Variants in MINDY4B observed in about 807,000 individuals in gnomAD.
The protein encoded by MINDY4B is MINDY family member 4B, also known as inactive ubiquitin carboxyl-terminal hydrolase MINDY-4B.
A neutral mutation model predicts 16.7 loss-of-function variants in MINDY4B; 25 were observed. The ratio of observed to expected loss-of-function variants is 1.49; its 90% CI spans 1.09 to 2.09. The LOEUF is 2.09. Ranked by LOEUF, MINDY4B falls within the 30% of genes most tolerant of loss-of-function variation. The probability of loss-of-function intolerance (pLI) is 0.00; values close to 1 mark genes in which losing one functional copy is unlikely to be tolerated. For missense variants in MINDY4B, 327 were observed against 168.4 expected, an observed-to-expected ratio of 1.94 and a Z score of -5.21; for synonymous variants, 132 against 61.9, an observed-to-expected ratio of 2.13 and a Z score of -5.32.
At position 150,891,015 on chromosome 3, in the gene MINDY4B, C is replaced by T. The variant is rs543798722; in HGVS notation, c.610G>A (p.Ala204Thr). ...ILWAAGAAQK[A>T]TICLVTEDIY... ...TCCTCAGTGACAAGACAGATGGTGG[C>T]CTTCTGAGCTGCTCCTGCAGCCCAC... The change falls in exon 6 of 12, where the codon GCC becomes ACC. Residue 204 changes from alanine to threonine, a missense_variant. Coordinates refer to ENST00000465419, the MANE Select transcript of MINDY4B (RefSeq NM_001351281.2). 7.1e-6 allele frequency: 5 copies of T among 702,856 alleles called. No individual in the cohort carries two copies. Among genetic ancestry groups the T allele is most frequent in the South Asian group, 5.9e-5 (4 of 67,600 alleles). 43.5% of individuals were successfully genotyped at this position (702,856 alleles called of 1,614,324 possible).
chr3:150,903,509 G>C (rs1712165720), intron 2 of MINDY4B, 93 bp from the exon 3 acceptor site: 1 of 397,284 alleles, frequency 2.5e-6, no homozygotes, highest in Admixed American at 4.4e-5. Context: ...AAATACCAGT[G>C]TTCAGAAAAT....
At chr3:150,887,694 A>G (rs1711662087) in intron 7 of MINDY4B, among the ~76,000 whole-genome samples, 1 of 152,262 alleles carries the variant, frequency 6.6e-6, no homozygotes, top group South Asian at 2.1e-4. Flanking sequence ...CAGATCTCAT[A>G]TGACAGGTGT....
chr3:150,892,238 C>G (rs192938006), intron 5 of MINDY4B, among the ~76,000 whole-genome samples: 23 of 152,350 alleles, frequency 1.5e-4, no homozygotes, highest in Non-Finnish European at 2.4e-4. Context: ...GGGGCAGGCT[C>G]CGCAGTGCAA....
chr3:150,884,213 G>A (rs1437974719), intron 8 of MINDY4B, among the ~76,000 whole-genome samples: 3 of 152,226 alleles, frequency 2.0e-5, no homozygotes, highest in African/African-American at 7.2e-5. Context: ...CTTGGCTGCA[G>A]AAGGGCAGCT....
intron 10 of MINDY4B, among the ~76,000 whole-genome samples, chr3:150,881,736 C>T (rs1711524653): frequency 6.6e-6 from 1 of 151,886 alleles, no homozygotes; most frequent in African/African-American, 2.4e-5. Flanking sequence ...TTTACCTTGT[C>T]TATCACTTCA....
chr3:150,874,670 T>C (rs1180612035), intron 10 of MINDY4B, among the ~76,000 whole-genome samples: 1 of 152,230 alleles, frequency 6.6e-6, no homozygotes, highest in Non-Finnish European at 1.5e-5. Flanking sequence ...TCTTTTCTTC[T>C]CAGTCCTCAG....
chr3:150,891,935 C>T (rs767241250), intron 5 of MINDY4B, among the ~76,000 whole-genome samples: 1 of 152,140 alleles, frequency 6.6e-6, no homozygotes. Context: ...TACTTGTTCA[C>T]ATTTATTTAA....
intron 10 of MINDY4B, among the ~76,000 whole-genome samples, chr3:150,876,743 G>A (rs1026544650): frequency 1.3e-5 from 2 of 152,146 alleles, no homozygotes; most frequent in Non-Finnish European, 2.9e-5. Context: ...GCTGCCGTAG[G>A]AGTAATTCTG....
chr3:150,872,116 AC>A, intron 11 of MINDY4B, among the ~76,000 whole-genome samples: 1 of 152,368 alleles, frequency 6.6e-6, no homozygotes, highest in South Asian at 2.1e-4. Context: ...TGGGAATGTT[AC>A]GGGTTAATGC....
intron 1 of MINDY4B, 57 bp downstream of exon 1, chr3:150,905,270 C>T (rs1712213786): frequency 2.5e-6 from 1 of 398,172 alleles, no homozygotes. Flanking sequence ...AAGTTGATTA[C>T]TTAAACACGG....
intron 8 of MINDY4B, among the ~76,000 whole-genome samples, chr3:150,884,706 C>A (rs13075343): frequency 0.054 from 8,290 of 152,248 alleles, 273 homozygotes; most frequent in African/African-American, 0.082. Flanking sequence ...TAATCCTTCC[C>A]TCCTGAGAGA....
intron 11 of MINDY4B, 120 bp downstream of exon 11, chr3:150,873,067 A>G (rs1410954971): frequency 5.2e-6 from 3 of 577,278 alleles, no homozygotes; most frequent in Non-Finnish European, 9.2e-6. Flanking sequence ...CATTTCAGAA[A>G]CTGAGCCTAA....
intron 8 of MINDY4B, among the ~76,000 whole-genome samples, chr3:150,884,703 T>C (rs1253466472): frequency 6.6e-6 from 1 of 152,198 alleles, no homozygotes; most frequent in African/African-American, 2.4e-5. Context: ...TTGTAATCCT[T>C]CCCTCCTGAG....
intron 10 of MINDY4B, among the ~76,000 whole-genome samples, chr3:150,876,628 T>C (rs1160937890): frequency 6.6e-6 from 1 of 152,178 alleles, no homozygotes; most frequent in Non-Finnish European, 1.5e-5. Context: ...TGGGTACTGC[T>C]TCACTGGGTA....
At position 150,905,432 on chromosome 3, in the gene MINDY4B, A is replaced by G. The variant is rs1712217201; in HGVS notation, c.8T>C (p.Met3Thr). MD[M>T]EVLGQEQSSE... ...GCTTTGTTCCTGGCCCAAGACCTCC[A>G]TATCCATTTGGATAATGGGAGGAAC... Residue 3 changes from methionine (M) to threonine (T), a missense_variant, in exon 1 of 12, where the codon ATG (methionine) becomes ACG (threonine). Physicochemically the swap from Met to Thr is moderately conservative, Grantham distance 81 (BLOSUM62 -1). Transcript: ENST00000465419. The G allele has an allele frequency of 2.5e-6, 1 of 398,488 alleles. No homozygotes were observed. Among genetic ancestry groups the G allele is most frequent in the Non-Finnish European group, 4.4e-6 (1 of 225,986 alleles). The allele number at this position is 398,488 out of a possible 1,614,324, so 24.7% of individuals were successfully genotyped here.
rs1711595344 is a variant in MINDY4B, at chr3:150,885,397, G to A, written c.795C>T (p.Tyr265=). ...CAAATGTTCTAGAGAAGATCAGGCT[G>A]TACAGAAACAGGATGACACCATGGC... ...EGSHGVILFL[Y]SLIFSRTFER... The change falls in exon 8 of 12, where the codon TAC becomes TAT. Residue 265 remains tyrosine, a synonymous_variant. Coordinates refer to ENST00000465419, the MANE Select transcript of MINDY4B (RefSeq NM_001351281.2). 1.4e-6 allele frequency: 1 copy of A among 702,770 alleles called. No individual in the cohort carries two copies. The highest frequency in any genetic ancestry group is 2.6e-6 in the Non-Finnish European group (1 of 384,830). 43.5% of individuals were successfully genotyped at this position (702,770 alleles called of 1,614,324 possible). A position where few individuals can be genotyped will look rare whatever the true frequency, so the allele number is the denominator to read the frequency against.
chr3:150,881,029 T>C (rs1322542218), intron 10 of MINDY4B, among the ~76,000 whole-genome samples: 1 of 152,246 alleles, frequency 6.6e-6, no homozygotes, highest in Admixed American at 6.5e-5. Flanking sequence ...CAATTCTCTG[T>C]CCAGGCTGTA....
At chr3:150,880,389 TACAAGGAGACTTCTAC>T (rs1317623477) in intron 10 of MINDY4B, among the ~76,000 whole-genome samples, 1 of 151,934 alleles carries the variant, frequency 6.6e-6, no homozygotes, top group African/African-American at 2.4e-5. Flanking sequence ...AAGTGGATGG[TACAAGGAGACTTCTAC>T]ACAAGCAGAC....
At chr3:150,879,744 C>G (rs1235125646) in intron 10 of MINDY4B, among the ~76,000 whole-genome samples, 1 of 152,196 alleles carries the variant, frequency 6.6e-6, no homozygotes. Context: ...GCTTATAAAG[C>G]TAACTCTGTT....
Sources: allele counts gnomAD v4.1 joint callset (sites outside exome capture counted in the v4.1 genomes callset), GRCh38; gene constraint gnomAD v4.1.1; transcripts MANE v1.5; gene names NCBI Gene and HGNC (gene_info 2026-07-23, HGNC 2026-07-21).